IQGAP2: variants seen among roughly 807,000 people sequenced by gnomAD.
IQGAP2 encodes the protein IQ motif containing GTPase activating protein 2, also known as ras GTPase-activating-like protein IQGAP2.
A neutral mutation model predicts 201.3 loss-of-function variants in IQGAP2; 173 were observed. That is an observed-to-expected ratio of 0.86 (90% confidence interval 0.76 to 0.98). The LOEUF (loss-of-function observed/expected upper bound fraction) is 0.98, where lower values mean the gene tolerates loss of function less well. IQGAP2 is among the 50% of genes least tolerant of loss of function. The pLI, the probability that IQGAP2 is intolerant of heterozygous loss-of-function variation, is 0.00. For missense variants in IQGAP2, 1,687 were observed against 1,864.8 expected (o/e 0.90, Z 1.76); for synonymous variants, 675 against 673.9 (o/e 1.00, Z -0.03).
chr5:76,567,737 T>C (rs182006460), intron 3 of IQGAP2, among the ~76,000 whole-genome samples: 4 of 152,320 alleles, frequency 2.6e-5, no homozygotes, highest in Non-Finnish European at 1.5e-5. Context: ...ATTTGGATAA[T>C]GTTATTTGTT....
chr5:76,541,553 A>G (rs1010794942), intron 2 of IQGAP2, among the ~76,000 whole-genome samples: 1 of 152,202 alleles, frequency 6.6e-6, no homozygotes, highest in Non-Finnish European at 1.5e-5. Flanking sequence ...TATAATACCT[A>G]TACTGGATCA....
rs754138484 is a variant in IQGAP2, at chr5:76,600,989, A to T, written c.1232+17A>T. ...TGTGGAACGGTAAGGAACATTTTCC[A>T]AACCTTCTTTCAATGCAGAAATGCA... is the stretch of plus-strand genomic sequence containing the variant. On this transcript the variant is annotated intron_variant, in intron 11 of 35. Transcript: ENST00000274364. 6.2e-7 allele frequency: 1 copy of T among 1,605,760 alleles called. No homozygotes were observed. Among genetic ancestry groups the T allele is most frequent in the South Asian group, 1.1e-5 (1 of 90,498 alleles).
At chr5:76,500,677 C>T (rs1757222991) in intron 2 of IQGAP2, among the ~76,000 whole-genome samples, 3 of 152,054 alleles carry the variant, frequency 2.0e-5, no homozygotes, top group African/African-American at 7.2e-5. Flanking sequence ...TTTCTAGAAT[C>T]AAGTTAGTTC....
At chr5:76,504,984 C>T (rs920665166) in intron 2 of IQGAP2, among the ~76,000 whole-genome samples, 6 of 152,136 alleles carry the variant, frequency 3.9e-5, no homozygotes, top group Non-Finnish European at 7.4e-5. Flanking sequence ...GAAATCCACC[C>T]CACCTCCCCA....
intron 12 of IQGAP2, chr5:76,607,609 T>C (rs1452556408): frequency 2.0e-5 from 3 of 152,210 alleles, no homozygotes; most frequent in Admixed American, 1.3e-4. Flanking sequence ...TTTCTGATAC[T>C]TGGCTTGGGA....
intron 3 of IQGAP2, among the ~76,000 whole-genome samples, chr5:76,569,659 G>T (rs1379446642): frequency 6.6e-6 from 1 of 152,190 alleles, no homozygotes; most frequent in Non-Finnish European, 1.5e-5. Flanking sequence ...AGAAGGTGGG[G>T]AGAGCCAAAC....
chr5:76,532,139 A>G (rs1416053946), intron 2 of IQGAP2, among the ~76,000 whole-genome samples: 1 of 152,220 alleles, frequency 6.6e-6, no homozygotes, highest in Non-Finnish European at 1.5e-5. Context: ...GCGGGCAACC[A>G]TTGCTATCAA....
At chr5:76,519,542 T>G (rs564816601) in intron 2 of IQGAP2, among the ~76,000 whole-genome samples, 1 of 152,348 alleles carries the variant, frequency 6.6e-6, no homozygotes, top group African/African-American at 2.4e-5. Flanking sequence ...TTTATTTCTA[T>G]GGGATAAGTA....
At chr5:76,584,730 T>C (rs1393181073) in intron 5 of IQGAP2, among the ~76,000 whole-genome samples, 1 of 152,176 alleles carries the variant, frequency 6.6e-6, no homozygotes, top group Non-Finnish European at 1.5e-5. Context: ...CATTGCTCTC[T>C]ACAGCTTCTT....
chr5:76,627,240 G>A lies in IQGAP2; in HGVS notation c.1522-170G>A, dbSNP rs549546003. On this transcript the variant is annotated intron_variant, in intron 13 of 35. Transcript: ENST00000274364. ...GGTGGGGAAGAAGGAGGAAGTGGTC[G>A]GGTTTGGGGTCTGCTTCATTAGGAG... is the stretch of plus-strand genomic sequence containing the variant. Among the ~76,000 whole-genome samples the A allele has an allele frequency of 7.9e-5, 12 of 152,252 alleles. No individual in the cohort carries two copies. In the South Asian group the frequency reaches 8.3e-4, roughly 11 times the overall value.
intron 4 of IQGAP2, among the ~76,000 whole-genome samples, chr5:76,572,779 T>G (rs1293826663): frequency 6.6e-6 from 1 of 152,182 alleles, no homozygotes; most frequent in Non-Finnish European, 1.5e-5. Flanking sequence ...GTGGTCTCGC[T>G]GGAGGTCAAG....
chr5:76,622,583 T>G (rs1749808029), intron 13 of IQGAP2, among the ~76,000 whole-genome samples: 1 of 152,170 alleles, frequency 6.6e-6, no homozygotes, highest in Non-Finnish European at 1.5e-5. Flanking sequence ...ATGGGTAAAG[T>G]GGAAAGTACA....
intron 22 of IQGAP2, 63 bp from the exon 23 acceptor site, chr5:76,668,618 A>G (rs1001593603): frequency 3.7e-6 from 5 of 1,339,504 alleles, no homozygotes; most frequent in Admixed American, 2.0e-5. Context: ...TTGTGCTTTA[A>G]TAATATATTA....
chr5:76,665,973 GTGGGGCCACTGC>G (rs1164846990), intron 22 of IQGAP2, among the ~76,000 whole-genome samples: 1 of 152,242 alleles, frequency 6.6e-6, no homozygotes, highest in Admixed American at 6.5e-5. Flanking sequence ...GTCTCTCAGA[GTGGGGCCACTGC>G]TGGGATTCCT....
chr5:76,656,127 G>A (rs540309296), intron 20 of IQGAP2, among the ~76,000 whole-genome samples: 1 of 152,150 alleles, frequency 6.6e-6, no homozygotes, highest in African/African-American at 2.4e-5. Flanking sequence ...ACTGAATAAT[G>A]TCTCATTCCA....
chr5:76,419,966 G>T (rs1751637661), intron 1 of IQGAP2, among the ~76,000 whole-genome samples: 1 of 152,138 alleles, frequency 6.6e-6, no homozygotes, highest in Non-Finnish European at 1.5e-5. Context: ...TTATAGCCAT[G>T]TTTTAGGACC....
chr5:76,601,987 A>G (rs1337285511), intron 11 of IQGAP2, among the ~76,000 whole-genome samples: 1 of 152,092 alleles, frequency 6.6e-6, no homozygotes, highest in Non-Finnish European at 1.5e-5. Flanking sequence ...TGTTTCTGTT[A>G]CTTGTTAATG....
At chr5:76,535,700 A>C (rs889669066) in intron 2 of IQGAP2, among the ~76,000 whole-genome samples, 8 of 152,206 alleles carry the variant, frequency 5.3e-5, no homozygotes, top group Non-Finnish European at 7.3e-5. Flanking sequence ...AGATAAGCTA[A>C]GCTTGTGTAG....
intron 18 of IQGAP2, 129 bp downstream of exon 18, chr5:76,652,962 T>C: frequency 1.5e-6 from 1 of 656,364 alleles, no homozygotes; most frequent in African/African-American, 1.8e-5. Context: ...CAGTACTGGA[T>C]TTGAATCCCA....
Sources: gnomAD v4.1 joint callset for allele counts (sites outside exome capture counted in the v4.1 genomes callset) on GRCh38, gnomAD v4.1.1 for gene constraint, MANE v1.5 for transcripts, NCBI Gene and HGNC (gene_info 2026-07-23, HGNC 2026-07-21) for gene names.